FGF14: variants seen among roughly 807,000 people sequenced by gnomAD.
FGF14 encodes fibroblast growth factor homologous factor 4.
In FGF14, 5 loss-of-function variants were observed where a neutral mutation model predicts 25.5. That is an observed-to-expected ratio of 0.20 (90% CI 0.10 to 0.41). The LOEUF is 0.41. Ranked by LOEUF, FGF14 falls within the 10% of genes least tolerant of loss-of-function variation. The probability of loss-of-function intolerance (pLI) is 1.00; values close to 1 mark genes in which losing one functional copy is unlikely to be tolerated. For synonymous variants in FGF14, 138 were observed against 118.3 expected (o/e 1.17, Z -1.08); for missense variants, 222 against 320.1 (o/e 0.69, Z 2.34).
chr13:102,248,769 G>A lies in FGF14; in HGVS notation c.208+152702C>T, dbSNP rs1007018316. Among the ~76,000 whole-genome samples, 4 of 152,200 alleles carry A rather than the reference G, an allele frequency of 2.6e-5. No homozygotes were observed. In the East Asian group the frequency reaches 7.7e-4, roughly 29 times the overall value. On this transcript the variant is annotated intron_variant, in intron 1 of 4. Transcript: ENST00000376131. ...CATATTACATGCAGAAAGAAAAAGT[G>A]AAGAGAGAAAAAATGTCCACACCAT...
chr13:101,966,423 C>A (rs1363773919), intron 1 of FGF14, among the ~76,000 whole-genome samples: 1 of 152,108 alleles, frequency 6.6e-6, no homozygotes, highest in Non-Finnish European at 1.5e-5. Flanking sequence ...TCTGCAGAAA[C>A]CTTGATTTTG....
chr13:102,036,624 G>A (rs549856053), intron 1 of FGF14, among the ~76,000 whole-genome samples: 3 of 152,066 alleles, frequency 2.0e-5, no homozygotes, highest in South Asian at 4.2e-4. Flanking sequence ...ATATAAGGAA[G>A]CAATAAGAAA....
At chr13:102,178,826 T>G (rs1036286244) in intron 1 of FGF14, among the ~76,000 whole-genome samples, 1 of 152,120 alleles carries the variant, frequency 6.6e-6, no homozygotes, top group Non-Finnish European at 1.5e-5. Flanking sequence ...TGTATATATA[T>G]ACCAAAAATT....
intron 1 of FGF14, among the ~76,000 whole-genome samples, chr13:102,289,780 C>A (rs190814765): frequency 6.6e-6 from 1 of 152,284 alleles, no homozygotes; most frequent in East Asian, 1.9e-4. Context: ...ATTGTACATG[C>A]TCAACACATG....
At chr13:101,901,635 T>C (rs2031564738) in intron 1 of FGF14, among the ~76,000 whole-genome samples, 1 of 151,912 alleles carries the variant, frequency 6.6e-6, no homozygotes, top group African/African-American at 2.4e-5. Context: ...ACCCCAGAAG[T>C]GGAGGTTGCA....
intron 3 of FGF14, among the ~76,000 whole-genome samples, chr13:101,732,308 A>C (rs1013400026): frequency 6.6e-6 from 1 of 152,226 alleles, no homozygotes; most frequent in Non-Finnish European, 1.5e-5. Context: ...TTTAAGGGAA[A>C]ACTATAAAAG....
intron 1 of FGF14, among the ~76,000 whole-genome samples, chr13:102,118,112 A>AG (rs1229690769): frequency 2.6e-5 from 4 of 152,170 alleles, no homozygotes; most frequent in Non-Finnish European, 5.9e-5. Context: ...CTCAAGACAA[A>AG]GGAAAATCTA....
intron 1 of FGF14, among the ~76,000 whole-genome samples, chr13:102,183,727 C>T (rs990651936): frequency 9.2e-5 from 14 of 152,078 alleles, no homozygotes; most frequent in Non-Finnish European, 2.1e-4. Flanking sequence ...GCCAGATTGG[C>T]AAAGAAATAT....
At chr13:101,947,349 A>G (rs1346182262) in intron 1 of FGF14, among the ~76,000 whole-genome samples, 2 of 152,230 alleles carry the variant, frequency 1.3e-5, no homozygotes, top group Admixed American at 1.3e-4. Flanking sequence ...CCCAAAGGAA[A>G]ATAAATTGTT....
intron 1 of FGF14, among the ~76,000 whole-genome samples, chr13:102,063,573 G>A (rs1044194657): frequency 1.1e-4 from 16 of 151,550 alleles, no homozygotes; most frequent in African/African-American, 3.9e-4. Context: ...CCAAGATCAC[G>A]CCATTGCACT....
intron 1 of FGF14, among the ~76,000 whole-genome samples, chr13:102,013,984 T>A (rs1015275275): frequency 6.6e-6 from 1 of 152,164 alleles, no homozygotes; most frequent in African/African-American, 2.4e-5. Flanking sequence ...ATATGTCAGG[T>A]ACTTTTAATG....
intron 4 of FGF14, 114 bp from the exon 5 acceptor site, chr13:101,723,081 A>G: frequency 8.0e-7 from 1 of 1,247,216 alleles, no homozygotes; most frequent in East Asian, 2.3e-5. Flanking sequence ...TTTTCCCTGA[A>G]GTAAAGCAAT....
intron 1 of FGF14, among the ~76,000 whole-genome samples, chr13:102,225,889 G>A (rs1037828798): frequency 6.6e-6 from 1 of 152,100 alleles, no homozygotes; most frequent in Admixed American, 6.6e-5. Context: ...CTGACCACTT[G>A]CAGAAACTGT....
At chr13:101,884,062 CAAAAAAAAA>C (rs11315735) in intron 1 of FGF14, among the ~76,000 whole-genome samples, 3 of 37,840 alleles carry the variant, frequency 7.9e-5, no homozygotes, top group South Asian at 3.8e-3. Flanking sequence ...GACTCCATCT[CAAAAAAAAA>C]AAAAAAAAAA....
rs2056456675 is a variant in FGF14 at position 102,326,728 on chromosome 13, AAGGAAGG to A, written c.208+74736_208+74742del. On this transcript the variant is annotated intron_variant, in intron 1 of 4. Coordinates refer to the FGF14 transcript ENST00000376131. ...GAAGGAAGGAAGGAAGGAAGGAAGG[AAGGAAGG>A]AAGGAAGGAAGGAAGGAAAGAGGGA... Among the ~76,000 whole-genome samples the A allele has an allele frequency of 6.4e-5, 7 of 109,192 alleles. 1 individual carries two copies. The highest frequency in any genetic ancestry group is 3.3e-4 in the Admixed American group (4 of 12,014). The allele number at this position is 109,192 out of a possible 152,430, so 71.6% of individuals were successfully genotyped here. A position where few individuals can be genotyped will look rare whatever the true frequency, so the allele number is the denominator to read the frequency against.
intron 1 of FGF14, among the ~76,000 whole-genome samples, chr13:102,083,420 T>TG (rs144034455): frequency 6.8e-6 from 1 of 146,676 alleles, no homozygotes; most frequent in Non-Finnish European, 1.5e-5. Flanking sequence ...CATTAAGTGT[T>TG]GGGTTTTTTT....
chr13:101,893,628 G>A (rs140689606), intron 1 of FGF14, among the ~76,000 whole-genome samples: 16 of 152,242 alleles, frequency 1.1e-4, no homozygotes, highest in African/African-American at 3.6e-4. Context: ...TCAGAAAAAT[G>A]CAACATTGTT....
intron 1 of FGF14, among the ~76,000 whole-genome samples, chr13:102,047,445 T>C (rs1439644980): frequency 6.6e-6 from 1 of 152,100 alleles, no homozygotes; most frequent in Non-Finnish European, 1.5e-5. Flanking sequence ...GATTGAAATG[T>C]TTTAAAGGAT....
chr13:102,162,357 C>A (rs572709613), intron 1 of FGF14, among the ~76,000 whole-genome samples: 1 of 152,062 alleles, frequency 6.6e-6, no homozygotes, highest in Non-Finnish European at 1.5e-5. Flanking sequence ...TTGGCAAAAG[C>A]GGCCATGAGC....
Sources: allele counts gnomAD v4.1 joint callset (sites outside exome capture counted in the v4.1 genomes callset), GRCh38; gene constraint gnomAD v4.1.1; transcripts MANE v1.5; gene names NCBI Gene and HGNC (gene_info 2026-07-23, HGNC 2026-07-21).